ANKRD6: variants seen among roughly 807,000 people sequenced by gnomAD.
ANKRD6 encodes ankyrin repeat domain-containing protein 6.
ANKRD6 carries 56 observed loss-of-function variants against 82.3 expected under a neutral mutation model. The observed-to-expected ratio is 0.68, with a 90% CI of 0.55 to 0.85. The LOEUF is 0.85. Ranked by LOEUF, ANKRD6 falls within the 40% of genes least tolerant of loss-of-function variation. The pLI is 0.00. For synonymous variants in ANKRD6, 347 were observed against 352.1 expected (o/e 0.99, Z 0.16); for missense variants, 852 against 907.6 (o/e 0.94, Z 0.79).
rs1329992241 is a variant in ANKRD6 at position 89,633,500 on chromosome 6, T to G, written c.*2496T>G. ...CCTGTCATGCAGGTCATGTTTCAAA[T>G]CAAGGCTGAAATTTTCAACAGCTGT... On this transcript the variant is annotated 3_prime_UTR_variant, in exon 16 of 16. Coordinates refer to ENST00000339746, the MANE Select transcript of ANKRD6 (RefSeq NM_001242809.2). 7 of 152,202 alleles carry G rather than the reference T, an allele frequency of 4.6e-5. No individual in the cohort carries two copies. Among genetic ancestry groups the G allele is most frequent in the Non-Finnish European group, 8.8e-5 (6 of 68,022 alleles). 9.4% of individuals were successfully genotyped at this position (152,202 alleles called of 1,614,324 possible).
chr6:89,491,016 A>C (rs1777951028), intron 1 of ANKRD6, among the ~76,000 whole-genome samples: 1 of 152,208 alleles, frequency 6.6e-6, no homozygotes, highest in African/African-American at 2.4e-5. Flanking sequence ...AGAACAGGAC[A>C]AGGCCATGTG....
chr6:89,591,680 G>T (rs1011832963), intron 2 of ANKRD6, among the ~76,000 whole-genome samples: 5 of 152,204 alleles, frequency 3.3e-5, no homozygotes, highest in Non-Finnish European at 7.3e-5. Context: ...ACTACAGAAT[G>T]TTCTGGAAAA....
chr6:89,457,219 G>T, intron 1 of ANKRD6, among the ~76,000 whole-genome samples: 1 of 152,186 alleles, frequency 6.6e-6, no homozygotes, highest in Non-Finnish European at 1.5e-5. Context: ...AGCCTCAGAA[G>T]TCATGTATTG....
At chr6:89,437,041 T>C (rs576188112) in intron 1 of ANKRD6, among the ~76,000 whole-genome samples, 42 of 152,186 alleles carry the variant, frequency 2.8e-4, no homozygotes, top group Non-Finnish European at 5.6e-4. Context: ...ACAAATACTC[T>C]AAGATCTCCC....
intron 1 of ANKRD6, among the ~76,000 whole-genome samples, chr6:89,484,257 T>C (rs1457228180): frequency 6.6e-6 from 1 of 152,196 alleles, no homozygotes; most frequent in Non-Finnish European, 1.5e-5. Context: ...GAAACTTCAG[T>C]GTCCTATATT....
chr6:89,576,694 A>G (rs1342203485), intron 2 of ANKRD6, among the ~76,000 whole-genome samples: 1 of 152,038 alleles, frequency 6.6e-6, no homozygotes, highest in African/African-American at 2.4e-5. Flanking sequence ...CTATCCCTGA[A>G]GCTCCCGTTG....
chr6:89,441,032 C>A (rs986453237), intron 1 of ANKRD6, among the ~76,000 whole-genome samples: 1 of 152,110 alleles, frequency 6.6e-6, no homozygotes, highest in African/African-American at 2.4e-5. Flanking sequence ...TCACTAGATA[C>A]AAAATTAGTA....
At position 89,616,674 on chromosome 6, in the gene ANKRD6, C is replaced by A; in HGVS notation, c.714+17C>A. On this transcript the variant is annotated intron_variant, in intron 8 of 15. Transcript: ENST00000339746. ...GTTAACAATGTAAGTTGAGTTGCAA[C>A]ATTGCTTTCTAAAGTGGTTCCCACC... 1 of 1,612,492 alleles carries A rather than the reference C, an allele frequency of 6.2e-7. No homozygotes were observed. Among genetic ancestry groups the A allele is most frequent in the Non-Finnish European group, 8.5e-7 (1 of 1,178,500 alleles).
chr6:89,617,522 CCACTGTTTTCCAGGGGAGATTAAT>C (rs1381838521), intron 8 of ANKRD6, among the ~76,000 whole-genome samples: 6 of 152,336 alleles, frequency 3.9e-5, no homozygotes, highest in Admixed American at 1.3e-4. Context: ...CGGCGTCTTC[CCACTGTTTTCCAGGGGAGATTAAT>C]CACTGGGCTG....
chr6:89,459,986 A>G (rs116725364), intron 1 of ANKRD6, among the ~76,000 whole-genome samples: 1 of 152,228 alleles, frequency 6.6e-6, no homozygotes, highest in African/African-American at 2.4e-5. Context: ...CTTGGAATAT[A>G]TCCTGGAGAG....
At chr6:89,486,427 A>G (rs1777383955) in intron 1 of ANKRD6, among the ~76,000 whole-genome samples, 1 of 152,190 alleles carries the variant, frequency 6.6e-6, no homozygotes, top group African/African-American at 2.4e-5. Context: ...ACCTAACAGT[A>G]CATTTCTCAG....
chr6:89,525,122 T>C (rs1782312076), intron 1 of ANKRD6, among the ~76,000 whole-genome samples: 1 of 151,912 alleles, frequency 6.6e-6, no homozygotes, highest in Non-Finnish European at 1.5e-5. Context: ...GATGAAACCC[T>C]GTCTCTACTA....
At chr6:89,599,217 A>T (rs1344491275) in intron 3 of ANKRD6, among the ~76,000 whole-genome samples, 3 of 152,086 alleles carry the variant, frequency 2.0e-5, no homozygotes, top group Non-Finnish European at 4.4e-5. Flanking sequence ...TACAAAAAAT[A>T]AAAAAATTAG....
At chr6:89,606,548 C>T (rs1798671204) in intron 5 of ANKRD6, among the ~76,000 whole-genome samples, 1 of 152,102 alleles carries the variant, frequency 6.6e-6, no homozygotes, top group African/African-American at 2.4e-5. Context: ...CAAAACAAAT[C>T]AGGAGCCTTA....
intron 1 of ANKRD6, among the ~76,000 whole-genome samples, chr6:89,477,934 G>A (rs970471230): frequency 6.6e-6 from 1 of 151,934 alleles, no homozygotes; most frequent in African/African-American, 2.4e-5. Flanking sequence ...GTATAATTAT[G>A]AACTCATAAA....
At chr6:89,554,888 G>T (rs1386644917) in intron 1 of ANKRD6, among the ~76,000 whole-genome samples, 1 of 152,150 alleles carries the variant, frequency 6.6e-6, no homozygotes, top group African/African-American at 2.4e-5. Flanking sequence ...ATAACTTCTT[G>T]TTCTCAAAAG....
At chr6:89,592,985 GATTGC>G (rs1425779717) in intron 2 of ANKRD6, among the ~76,000 whole-genome samples, 20 of 152,140 alleles carry the variant, frequency 1.3e-4, no homozygotes, top group Admixed American at 3.9e-4. Flanking sequence ...GAGGCCAGAG[GATTGC>G]TTGAACCTAG....
chr6:89,632,696 GAC>G lies in ANKRD6; in HGVS notation c.*1694_*1695del, dbSNP rs1807646609. ...CTTGTTCTCAACTACTACGCAGGTA[GAC>G]AGTCTTCCCCCAGAGACTCATTAGA... On this transcript the variant is annotated 3_prime_UTR_variant, in exon 16 of 16. Transcript: ENST00000339746. 6.6e-6 allele frequency: 1 copy of G among 152,218 alleles called. No homozygotes were observed. Among genetic ancestry groups the G allele is most frequent in the Non-Finnish European group, 1.5e-5 (1 of 68,050 alleles). 9.4% of individuals were successfully genotyped at this position (152,218 alleles called of 1,614,324 possible). A position where few individuals can be genotyped will look rare whatever the true frequency, so the allele number is the denominator to read the frequency against.
chr6:89,485,017 A>G (rs1296793688), intron 1 of ANKRD6, among the ~76,000 whole-genome samples: 1 of 152,178 alleles, frequency 6.6e-6, no homozygotes, highest in Non-Finnish European at 1.5e-5. Flanking sequence ...GGAACATGTC[A>G]GGTTGCCACA....
Sources: allele counts gnomAD v4.1 joint callset (sites outside exome capture counted in the v4.1 genomes callset), GRCh38; gene constraint gnomAD v4.1.1; transcripts MANE v1.5; gene names NCBI Gene and HGNC (gene_info 2026-07-23, HGNC 2026-07-21).